ASTN2: variants seen among roughly 807,000 people sequenced by gnomAD.
ASTN2 encodes astrotactin 2.
In ASTN2, 54 loss-of-function variants were observed where a neutral mutation model predicts 139.8. That is an observed-to-expected ratio of 0.39 (90% CI 0.31 to 0.48). The LOEUF (loss-of-function observed/expected upper bound fraction) is 0.48. ASTN2 is among the 20% of genes least tolerant of loss of function. The pLI, the probability that ASTN2 is intolerant of heterozygous loss-of-function variation, is 0.95. For missense variants in ASTN2, 1,565 were observed against 1,725.1 expected, an observed-to-expected ratio of 0.91 and a Z score of 1.64; for synonymous variants, 756 against 719.5, an observed-to-expected ratio of 1.05 and a Z score of -0.81.
At chr9:117,030,128 C>A (rs1838206505) in intron 6 of ASTN2, among the ~76,000 whole-genome samples, 1 of 152,132 alleles carries the variant, frequency 6.6e-6, no homozygotes, top group Non-Finnish European at 1.5e-5. Flanking sequence ...CAGATCAATC[C>A]ACTTAATGTC....
chr9:116,926,193 C>A lies in ASTN2; in HGVS notation c.1889+49015G>T, dbSNP rs534566012. 2.6e-5 allele frequency among the ~76,000 whole-genome samples: 4 copies of A among 152,288 alleles called. No individual in the cohort carries two copies. In the East Asian group the frequency reaches 7.7e-4, roughly 29 times the overall value. On this transcript the variant is annotated intron_variant, in intron 10 of 22. Transcript: ENST00000313400. ...AGACCAAGTTCAAATACTACAGTGTCTAAGAAACCATCAATGATGTCTTCA... is the reference window on the plus strand; with the variant it reads ...AGACCAAGTTCAAATACTACAGTGTATAAGAAACCATCAATGATGTCTTCA...
intron 13 of ASTN2, among the ~76,000 whole-genome samples, chr9:116,740,297 C>T (rs1011772844): frequency 6.6e-6 from 1 of 152,172 alleles, no homozygotes; most frequent in Non-Finnish European, 1.5e-5. Context: ...TAATTTCATG[C>T]ATCTTCTTTG....
At chr9:117,275,864 C>T (rs1834175488) in intron 2 of ASTN2, among the ~76,000 whole-genome samples, 1 of 152,144 alleles carries the variant, frequency 6.6e-6, no homozygotes, top group Non-Finnish European at 1.5e-5. Context: ...GACACAAGTC[C>T]TGTTGGATTA....
chr9:116,930,538 T>G (rs1834868387), intron 10 of ASTN2, among the ~76,000 whole-genome samples: 1 of 152,142 alleles, frequency 6.6e-6, no homozygotes, highest in Non-Finnish European at 1.5e-5. Flanking sequence ...TATATACTTC[T>G]GAGCAGGGTT....
At chr9:116,495,758 A>G (rs529805530) in intron 19 of ASTN2, among the ~76,000 whole-genome samples, 1 of 152,162 alleles carries the variant, frequency 6.6e-6, no homozygotes, top group South Asian at 2.1e-4. Context: ...AAGCTGTCAG[A>G]CTCCAAAACC....
intron 5 of ASTN2, among the ~76,000 whole-genome samples, chr9:117,043,111 T>C (rs1838627366): frequency 6.6e-6 from 1 of 152,190 alleles, no homozygotes; most frequent in Admixed American, 6.5e-5. Flanking sequence ...CCTCAGGTGA[T>C]CCACCGACCT....
intron 1 of ASTN2, among the ~76,000 whole-genome samples, chr9:117,349,288 A>G (rs1829318295): frequency 6.6e-6 from 1 of 152,156 alleles, no homozygotes; most frequent in Non-Finnish European, 1.5e-5. Flanking sequence ...CTTAGAAGTC[A>G]TTGATTCCAG....
In ASTN2 at chr9:116,699,948, A is replaced by G. The variant is rs1239551624; in HGVS notation, c.2806+25823T>C. ...ATAGGACACACGATGGTGTTAGCTG[A>G]AGTTTGATTAGCAATTAGGCACTTC... On this transcript the variant is annotated intron_variant, in intron 16 of 22. Transcript: ENST00000313400. This position sits in a 1 kb window ranked among gnomAD's most constrained non-coding sequence, Gnocchi z 4.2. 4 of 603,054 alleles carry G rather than the reference A, an allele frequency of 6.6e-6. No individual in the cohort carries two copies. Among genetic ancestry groups the G allele is most frequent in the Non-Finnish European group, 1.2e-5 (4 of 338,582 alleles). The allele number at this position is 603,054 out of a possible 1,614,324, so 37.4% of individuals were successfully genotyped here.
chr9:117,136,635 C>T (rs1048050501), intron 4 of ASTN2, among the ~76,000 whole-genome samples: 3 of 152,106 alleles, frequency 2.0e-5, no homozygotes, highest in African/African-American at 7.2e-5. Context: ...CAGGGTAGAG[C>T]ATGCATTTAT....
intron 13 of ASTN2, among the ~76,000 whole-genome samples, chr9:116,782,134 C>T (rs1830235732): frequency 1.3e-5 from 2 of 152,052 alleles, no homozygotes; most frequent in African/African-American, 4.8e-5. Flanking sequence ...GGCAGGGTAG[C>T]AAAGGGAGAG....
chr9:117,104,141 C>T (rs1295490288), intron 4 of ASTN2, among the ~76,000 whole-genome samples: 1 of 152,180 alleles, frequency 6.6e-6, no homozygotes, highest in Admixed American at 6.5e-5. Flanking sequence ...CTGCGGCATT[C>T]TTGGGATTCA....
At chr9:117,141,022 A>G (rs1368393851) in intron 4 of ASTN2, among the ~76,000 whole-genome samples, 1 of 152,142 alleles carries the variant, frequency 6.6e-6, no homozygotes, top group Non-Finnish European at 1.5e-5. Context: ...CAACAACTTA[A>G]AGAACATCTA....
At chr9:116,661,539 G>A (rs1469337474) in intron 16 of ASTN2, among the ~76,000 whole-genome samples, 1 of 152,100 alleles carries the variant, frequency 6.6e-6, no homozygotes, top group African/African-American at 2.4e-5. Flanking sequence ...GACCTGATGG[G>A]ACGTATTGGC....
intron 3 of ASTN2, among the ~76,000 whole-genome samples, chr9:117,148,333 T>C (rs1262349628): frequency 3.3e-5 from 5 of 152,186 alleles, no homozygotes; most frequent in Non-Finnish European, 5.9e-5. Flanking sequence ...TAACAGAGCT[T>C]CTAGAACATA....
At chr9:117,242,014 T>G (rs1833228956) in intron 2 of ASTN2, among the ~76,000 whole-genome samples, 1 of 137,858 alleles carries the variant, frequency 7.3e-6, no homozygotes, top group Non-Finnish European at 1.6e-5. Flanking sequence ...CTTTTTTTTT[T>G]TTTTTTTTTT....
intron 3 of ASTN2, among the ~76,000 whole-genome samples, chr9:117,209,771 A>G (rs776220168): frequency 2.0e-5 from 3 of 152,168 alleles, no homozygotes; most frequent in Non-Finnish European, 2.9e-5. Context: ...TCATCAGCAC[A>G]TGGGACATTC....
intron 19 of ASTN2, among the ~76,000 whole-genome samples, chr9:116,575,489 G>A (rs991156719): frequency 1.3e-5 from 2 of 152,102 alleles, no homozygotes; most frequent in Admixed American, 1.3e-4. Flanking sequence ...CTTCCATTGA[G>A]TCTTAATTTA....
At chr9:117,270,520 T>C (rs1002243984) in intron 2 of ASTN2, among the ~76,000 whole-genome samples, 2 of 152,216 alleles carry the variant, frequency 1.3e-5, no homozygotes, top group African/African-American at 2.4e-5. Context: ...CATGAGTTTC[T>C]TTGTCATTAA....
intron 20 of ASTN2, among the ~76,000 whole-genome samples, chr9:116,475,727 C>T (rs1389349572): frequency 6.6e-6 from 1 of 152,172 alleles, no homozygotes; most frequent in African/African-American, 2.4e-5. Context: ...GATGCTTGGC[C>T]TTCCCCTTGC....
Sources: gnomAD v4.1 joint callset for allele counts (sites outside exome capture counted in the v4.1 genomes callset) on GRCh38, gnomAD v4.1.1 for gene constraint, Gnocchi (gnomAD v3.1) non-coding constraint, MANE v1.5 for transcripts, NCBI Gene and HGNC (gene_info 2026-07-23, HGNC 2026-07-21) for gene names.